Variants in APP observed in about 807,000 individuals in gnomAD.
APP encodes the protein amyloid-beta precursor protein.
A neutral mutation model predicts 101.4 loss-of-function variants in APP; 31 were observed. The ratio of observed to expected loss-of-function variants is 0.31; its 90% CI spans 0.23 to 0.41. APP has a LOEUF of 0.41. Among genes scored for constraint, APP ranks in the 10% least tolerant of loss-of-function variants. APP has a pLI of 1.00. For missense variants in APP, 839 were observed against 1,003.7 expected, an observed-to-expected ratio of 0.84 and a Z score of 2.22; for synonymous variants, 366 against 364.4, an observed-to-expected ratio of 1.00 and a Z score of -0.05.
chr21:25,993,250 C>G (rs1182923041), intron 8 of APP, among the ~76,000 whole-genome samples: 1 of 151,772 alleles, frequency 6.6e-6, no homozygotes, highest in Non-Finnish European at 1.5e-5. Context: ...TTCCCTCCCT[C>G]AATCCTGCAT....
intron 2 of APP, among the ~76,000 whole-genome samples, chr21:26,098,435 G>A (rs1480715047): frequency 6.6e-6 from 1 of 151,976 alleles, no homozygotes; most frequent in South Asian, 2.1e-4. Context: ...AAGCCAAGAA[G>A]AGAAATGTAT....
At chr21:25,988,734 A>AT (rs140174018) in intron 8 of APP, among the ~76,000 whole-genome samples, 5,813 of 146,354 alleles carry the variant, frequency 0.04, 442 homozygotes, top group African/African-American at 0.14. Flanking sequence ...GGAGACAAAG[A>AT]TGAAGGTGGC....
At chr21:25,964,624 T>TC (rs1404150514) in intron 11 of APP, among the ~76,000 whole-genome samples, 1 of 138,132 alleles carries the variant, frequency 7.2e-6, no homozygotes, top group Non-Finnish European at 1.6e-5. Context: ...TTTTTTTTTT[T>TC]CTGAGACGGA....
At chr21:26,119,506 AAAGTAG>A (rs1237918160) in intron 1 of APP, among the ~76,000 whole-genome samples, 1 of 152,256 alleles carries the variant, frequency 6.6e-6, no homozygotes, top group Non-Finnish European at 1.5e-5. Flanking sequence ...CTGAATCTGC[AAAGTAG>A]AAGTCCAAAT....
intron 3 of APP, among the ~76,000 whole-genome samples, chr21:26,077,775 G>GAAA (rs796489181): frequency 5.8e-5 from 5 of 86,948 alleles, no homozygotes; most frequent in Non-Finnish European, 9.4e-5. Flanking sequence ...ACAGGAGAAG[G>GAAA]AAAAAAAAAA....
At chr21:26,079,009 C>T (rs916864125) in intron 3 of APP, among the ~76,000 whole-genome samples, 3 of 145,562 alleles carry the variant, frequency 2.1e-5, no homozygotes, top group Admixed American at 7.1e-5. Flanking sequence ...TGCCATTGCA[C>T]TCCAGCCTGG....
chr21:25,963,885 G>A (rs992676503), intron 11 of APP, among the ~76,000 whole-genome samples: 3 of 152,112 alleles, frequency 2.0e-5, no homozygotes, highest in Non-Finnish European at 4.4e-5. Context: ...GCAAACAAAT[G>A]ATCTTTGTAG....
intron 16 of APP, among the ~76,000 whole-genome samples, chr21:25,894,395 T>C (rs937134448): frequency 1.3e-5 from 2 of 152,222 alleles, no homozygotes; most frequent in Admixed American, 6.5e-5. Context: ...CAAAGTAAAC[T>C]GCAAACCTTC....
At chr21:26,053,399 C>A in intron 3 of APP, 51 bp from the exon 4 acceptor site, 1 of 1,301,182 alleles carries the variant, frequency 7.7e-7, no homozygotes, top group South Asian at 1.2e-5. Flanking sequence ...TCACAGTGTT[C>A]TTACCGCAGA....
intron 11 of APP, among the ~76,000 whole-genome samples, chr21:25,967,827 A>G (rs1306216892): frequency 6.6e-6 from 1 of 152,210 alleles, no homozygotes; most frequent in Non-Finnish European, 1.5e-5. Context: ...TGTAGAGGGC[A>G]GGTTAAGAAA....
intron 2 of APP, among the ~76,000 whole-genome samples, chr21:26,101,506 G>T (rs1166223482): frequency 1.3e-5 from 2 of 152,174 alleles, no homozygotes; most frequent in African/African-American, 4.8e-5. Flanking sequence ...CTATCATAAA[G>T]TGAGGATATG....
At chr21:26,008,282 G>C (rs1219354314) in intron 6 of APP, among the ~76,000 whole-genome samples, 1 of 152,144 alleles carries the variant, frequency 6.6e-6, no homozygotes. Context: ...CTCCCGTGAC[G>C]GTGTTAGGGA....
chr21:25,929,638 T>C (rs1014947885), intron 13 of APP, among the ~76,000 whole-genome samples: 19 of 152,116 alleles, frequency 1.2e-4, no homozygotes, highest in Non-Finnish European at 2.4e-4. Context: ...ATAGAATGAA[T>C]TGGAAAAAAT....
rs115161673 is a variant in APP, at chr21:26,114,974, A to G, written c.58-2828T>C. Among the ~76,000 whole-genome samples, 1,302 of 152,258 alleles carry G rather than the reference A, an allele frequency of 8.6e-3. 18 individuals are homozygous for G. Among genetic ancestry groups the G allele is most frequent in the African/African-American group, 0.028 (1,178 of 41,544 alleles). On this transcript the variant is annotated intron_variant, in intron 1 of 17. Coordinates refer to ENST00000346798, the MANE Select transcript of APP (RefSeq NM_000484.4). Reference sequence around the variant, plus strand: ...GGTAATTTTTAAAACATTTTTTTCAAATAACTTGATTACGGCGCTATAACT... The same window carrying G: ...GGTAATTTTTAAAACATTTTTTTCAGATAACTTGATTACGGCGCTATAACT...
chr21:26,076,366 T>G (rs559375437), intron 3 of APP, among the ~76,000 whole-genome samples: 2 of 83,132 alleles, frequency 2.4e-5, no homozygotes, highest in East Asian at 9.7e-4. Flanking sequence ...ATTAAAAAGT[T>G]TACAATTATT....
At chr21:25,887,459 G>A (rs967934959) in intron 17 of APP, among the ~76,000 whole-genome samples, 13 of 146,610 alleles carry the variant, frequency 8.9e-5, no homozygotes, top group Admixed American at 3.5e-4. Context: ...GGCTCACAGA[G>A]TGACTCTCTG....
At chr21:26,027,766 TTC>T (rs1452315608) in intron 5 of APP, among the ~76,000 whole-genome samples, 2 of 152,154 alleles carry the variant, frequency 1.3e-5, no homozygotes, top group African/African-American at 4.8e-5. Flanking sequence ...TTATGTGTAC[TTC>T]TCTCTAAATA....
At chr21:26,042,878 T>C (rs1273222942) in intron 5 of APP, among the ~76,000 whole-genome samples, 2 of 152,078 alleles carry the variant, frequency 1.3e-5, no homozygotes, top group African/African-American at 2.4e-5. Flanking sequence ...GTTGCAATAC[T>C]GCACTCCAGC....
At chr21:25,964,184 G>C (rs763185868) in intron 11 of APP, among the ~76,000 whole-genome samples, 1 of 152,120 alleles carries the variant, frequency 6.6e-6, no homozygotes, top group Non-Finnish European at 1.5e-5. Context: ...ATTTTGTACT[G>C]AACATGACGC....
Sources: allele counts gnomAD v4.1 joint callset (sites outside exome capture counted in the v4.1 genomes callset), GRCh38; gene constraint gnomAD v4.1.1; transcripts MANE v1.5; gene names NCBI Gene and HGNC (gene_info 2026-07-23, HGNC 2026-07-21).